Variants in RUNX3 observed in about 807,000 individuals in gnomAD.
RUNX3 encodes runt-related transcription factor 3.
In RUNX3, 10 loss-of-function variants were observed where a neutral mutation model predicts 27.7. That is an observed-to-expected ratio of 0.36 (90% confidence interval 0.22 to 0.61). The LOEUF (loss-of-function observed/expected upper bound fraction) is 0.61. Among genes scored for constraint, RUNX3 ranks in the 20% least tolerant of loss-of-function variants. The pLI, the probability that RUNX3 is intolerant of heterozygous loss-of-function variation, is 0.72. For synonymous variants in RUNX3, 270 were observed against 269.2 expected (o/e 1.00, Z -0.03); for missense variants, 469 against 629.5 (o/e 0.75, Z 2.73).
At chr1:24,912,324 T>A (rs1449716577) in intron 3 of RUNX3, among the ~76,000 whole-genome samples, 2 of 152,210 alleles carry the variant, frequency 1.3e-5, no homozygotes, top group African/African-American at 4.8e-5. Context: ...AAGGCAGGGC[T>A]GCTGGCCCCA....
chr1:24,907,448 G>T, intron 3 of RUNX3, 31 bp from the exon 4 acceptor site: 2 of 1,594,922 alleles, frequency 1.3e-6, no homozygotes. Flanking sequence ...ATCAGCCGTT[G>T]CTTCCCCAGA....
At chr1:24,945,009 T>G (rs767786282) in intron 2 of RUNX3, among the ~76,000 whole-genome samples, 1 of 152,212 alleles carries the variant, frequency 6.6e-6, no homozygotes, top group Non-Finnish European at 1.5e-5. Context: ...AGCACATTTA[T>G]TAGTGCCTGA....
At chr1:24,929,337 C>T (rs1466621051) in intron 1 of RUNX3, 7 of 689,414 alleles carry the variant, frequency 1.0e-5, no homozygotes, top group Non-Finnish European at 5.3e-6. Flanking sequence ...ACCAACGTCT[C>T]TACGCAAGGC....
chr1:24,950,169 C>G (rs1436858428), intron 2 of RUNX3, among the ~76,000 whole-genome samples: 1 of 152,228 alleles, frequency 6.6e-6, no homozygotes, highest in Non-Finnish European at 1.5e-5. Context: ...AATGCAGGAA[C>G]AAAAGTTTTT....
At position 24,956,996 on chromosome 1, in the gene RUNX3, C is replaced by A. The variant is rs546747065; in HGVS notation, c.58+7518G>T. Among the ~76,000 whole-genome samples the A allele has an allele frequency of 2.1e-4, 32 of 152,330 alleles. No individual in the cohort carries two copies. The East Asian group carries it at 2.3e-3, about 11-fold the overall frequency. On this transcript the variant is annotated intron_variant, in intron 2 of 6. Transcript: ENST00000338888. ...ACCTGCATTTACAAAAGCTCCCCCC[C>A]ACAGGGACTGCATGTGCTGGTGGAA...
chr1:24,941,549 G>A (rs536841901), intron 2 of RUNX3, among the ~76,000 whole-genome samples: 1 of 152,362 alleles, frequency 6.6e-6, no homozygotes, highest in South Asian at 2.1e-4. Context: ...CCCTAGGTGA[G>A]TATCAGAGCT....
upstream of RUNX3, among the ~76,000 whole-genome samples, chr1:24,930,815 C>A (rs1369610653): frequency 1.3e-5 from 2 of 152,218 alleles, no homozygotes; most frequent in Non-Finnish European, 2.9e-5. This position sits in a 1 kb window ranked among gnomAD's most constrained non-coding sequence, Gnocchi z 4.1. Context: ...CGGGATTTTG[C>A]GCGTCGTCCA....
chr1:24,953,363 G>GAAAAAAAAAAAAAAAAAAAAAAA (rs71577738), intron 2 of RUNX3, among the ~76,000 whole-genome samples: 6 of 60,602 alleles, frequency 9.9e-5, no homozygotes, highest in Non-Finnish European at 1.7e-4. Context: ...GACTCCGTCT[G>GAAAAAAAAAAAAAAAAAAAAAAA]AAAAAAAAAA....
chr1:24,927,490 A>C lies in RUNX3; in HGVS notation c.439+84T>G. The C allele has an allele frequency of 7.2e-7, 1 of 1,381,814 alleles. No homozygotes were observed. Among genetic ancestry groups the C allele is most frequent in the Non-Finnish European group, 1.0e-6 (1 of 979,124 alleles). The allele number at this position is 1,381,814 out of a possible 1,614,324, so 85.6% of individuals were successfully genotyped here. A position where few individuals can be genotyped will look rare whatever the true frequency, so the allele number is the denominator to read the frequency against. On this transcript the variant is annotated intron_variant, in intron 2 of 4. Coordinates refer to ENST00000308873, the MANE Select transcript of RUNX3 (RefSeq NM_004350.3). This position sits in a 1 kb window ranked among gnomAD's most constrained non-coding sequence, Gnocchi z 5.0. ...TGCATCTGGAGACCTGTTTTTCGGG[A>C]TTCTAAGGCCCCTCTTTCAACCTCC...
Position 24,950,536 on chromosome 1 carries a change from G to A in RUNX3, c.58+13978C>T, listed in dbSNP as rs115712043. 7.5e-4 allele frequency among the ~76,000 whole-genome samples: 115 copies of A among 152,364 alleles called. 1 individual carries two copies. The highest frequency in any genetic ancestry group is 2.0e-3 in the African/African-American group (85 of 41,586). On this transcript the variant is annotated intron_variant, in intron 2 of 6. Coordinates refer to the RUNX3 transcript ENST00000338888. ...CATTTCAATATGGCAACTGCTGAGC[G>A]TTAAATTCAAGCACAGGAGGTGGGG...
chr1:24,934,664 G>A (rs186049800), upstream of RUNX3, among the ~76,000 whole-genome samples: 44 of 152,316 alleles, frequency 2.9e-4, no homozygotes, highest in East Asian at 5.6e-3. Context: ...AAAGAGGAAC[G>A]TTGTCCGAGG....
chr1:24,901,607 T>TG lies in RUNX3; in HGVS notation c.*514dup, dbSNP rs1413776540. The stretch of plus-strand genomic sequence containing the variant: ...GAACCCCGCTCGAGGGTGGTGGGGG[T>TG]GGGGGACACTTTCCAGTTCTGACTC... On this transcript the variant is annotated 3_prime_UTR_variant, in exon 5 of 5. Coordinates refer to ENST00000308873, the MANE Select transcript of RUNX3 (RefSeq NM_004350.3). 6.7e-6 allele frequency: 1 copy of TG among 149,368 alleles called. No individual in the cohort carries two copies. Among genetic ancestry groups the TG allele is most frequent in the African/African-American group, 2.5e-5 (1 of 39,462 alleles). 9.3% of individuals were successfully genotyped at this position (149,368 alleles called of 1,614,324 possible). A position where few individuals can be genotyped will look rare whatever the true frequency, so the allele number is the denominator to read the frequency against.
chr1:24,933,718 C>T (rs1641284161), upstream of RUNX3, among the ~76,000 whole-genome samples: 1 of 152,204 alleles, frequency 6.6e-6, no homozygotes, highest in African/African-American at 2.4e-5. Context: ...CTCACTTTCG[C>T]CCCCAGCCGG....
chr1:24,929,221 G>A (rs1230808527), intron 1 of RUNX3: 2 of 518,822 alleles, frequency 3.9e-6, no homozygotes, highest in Admixed American at 4.5e-5. Context: ...CACCCCACCC[G>A]CGGTGTCCTT....
In RUNX3 at chr1:24,904,201, G is replaced by A. The variant is rs1287693961; in HGVS notation, c.704-1535C>T. On this transcript the variant is annotated intron_variant, in intron 4 of 4. Transcript: ENST00000308873. The surrounding 1 kb of genome is among the most constrained non-coding windows in gnomAD (Gnocchi z 5.7). ...GATAAGGGCCGGTGCTAGCCGGAGT[G>A]GGCTCTGCCTGCCACGCCGAGGCTT... Among the ~76,000 whole-genome samples the A allele has an allele frequency of 6.6e-6, 1 of 152,166 alleles. No individual in the cohort carries two copies. The highest frequency in any genetic ancestry group is 2.4e-5 in the African/African-American group (1 of 41,426).
chr1:24,902,701 C>T lies in RUNX3; in HGVS notation c.704-35G>A, dbSNP rs761029630. ...AGCAGGGAAGAGGTCAGTTCCAGCT[C>T]GAGACAACCCCAGGAGGGCTTCCTG... is the stretch of plus-strand genomic sequence containing the variant. On this transcript the variant is annotated intron_variant, in intron 4 of 4. Coordinates refer to ENST00000308873, the MANE Select transcript of RUNX3 (RefSeq NM_004350.3). This position sits in a 1 kb window ranked among gnomAD's most constrained non-coding sequence, Gnocchi z 9.2. 9.4e-6 allele frequency: 14 copies of T among 1,487,328 alleles called. No homozygotes were observed. The highest frequency in any genetic ancestry group is 4.6e-5 in the East Asian group (2 of 43,200). The allele number at this position is 1,487,328 out of a possible 1,614,324, so 92.1% of individuals were successfully genotyped here.
intron 2 of RUNX3, among the ~76,000 whole-genome samples, chr1:24,959,244 T>C (rs1409930699): frequency 1.3e-5 from 2 of 151,926 alleles, no homozygotes; most frequent in Non-Finnish European, 2.9e-5. Context: ...CCCGCCAGAG[T>C]GGGTGCGGTG....
At chr1:24,964,341 G>T (rs56791372) in intron 2 of RUNX3, among the ~76,000 whole-genome samples, 7,887 of 152,192 alleles carry the variant, frequency 0.052, 681 homozygotes, top group African/African-American at 0.18. Flanking sequence ...GATGTTCCAC[G>T]CCAAGAGACC....
chr1:24,913,267 T>A (rs1335412562), intron 3 of RUNX3, among the ~76,000 whole-genome samples: 1 of 152,232 alleles, frequency 6.6e-6, no homozygotes, highest in African/African-American at 2.4e-5. Context: ...TCCTCCAGCA[T>A]GGCCTGGATT....
Sources: gnomAD v4.1 joint callset for allele counts (sites outside exome capture counted in the v4.1 genomes callset) on GRCh38, gnomAD v4.1.1 for gene constraint, Gnocchi (gnomAD v3.1) non-coding constraint, MANE v1.5 for transcripts, NCBI Gene and HGNC (gene_info 2026-07-23, HGNC 2026-07-21) for gene names.